Variants in SUCLG2 observed in about 807,000 individuals in gnomAD.
SUCLG2 encodes the protein succinate-CoA ligase GDP-forming subunit beta.
Under a neutral mutation model 47.9 loss-of-function variants are expected in SUCLG2, and 42 were observed. That is an observed-to-expected ratio of 0.88 (90% CI 0.69 to 1.14). The LOEUF (loss-of-function observed/expected upper bound fraction) is 1.14, where lower values mean the gene tolerates loss of function less well. SUCLG2 is among the 50% of genes most tolerant of loss of function. The pLI is 0.00. For synonymous variants in SUCLG2, 195 were observed against 197.3 expected (o/e 0.99, Z 0.10); for missense variants, 571 against 525.9 (o/e 1.09, Z -0.84).
At chr3:67,365,167 A>T (rs1701858450) in intron 10 of SUCLG2, among the ~76,000 whole-genome samples, 2 of 152,236 alleles carry the variant, frequency 1.3e-5, no homozygotes, top group Non-Finnish European at 2.9e-5. Flanking sequence ...CTGTGGGATT[A>T]TAACAGAAGA....
intron 7 of SUCLG2, among the ~76,000 whole-genome samples, chr3:67,506,718 T>C (rs1705647570): frequency 6.6e-6 from 1 of 152,258 alleles, no homozygotes; most frequent in South Asian, 2.1e-4. Context: ...ACCAGGCTGC[T>C]TGTGTATACT....
chr3:67,558,331 CA>C (rs35100169), intron 2 of SUCLG2, among the ~76,000 whole-genome samples: 22,829 of 114,780 alleles, frequency 0.2, 2,278 homozygotes, highest in East Asian at 0.49. Context: ...TCTTTGACAC[CA>C]AAAAAAAAAA....
intron 1 of SUCLG2, among the ~76,000 whole-genome samples, chr3:67,634,365 T>C (rs556725011): frequency 9.2e-5 from 14 of 152,280 alleles, no homozygotes; most frequent in Admixed American, 5.2e-4. Flanking sequence ...GGAGGATTGC[T>C]TGAGCAAGAC....
At chr3:67,437,691 A>G (rs1703657674) in intron 9 of SUCLG2, among the ~76,000 whole-genome samples, 1 of 152,028 alleles carries the variant, frequency 6.6e-6, no homozygotes, top group African/African-American at 2.4e-5. Flanking sequence ...CAGTTTATAA[A>G]ATATGGATTT....
intron 1 of SUCLG2, among the ~76,000 whole-genome samples, chr3:67,631,059 G>A (rs1396062587): frequency 1.3e-5 from 2 of 152,232 alleles, no homozygotes; most frequent in Non-Finnish European, 2.9e-5. Context: ...TGAGAGTCCA[G>A]ATGAGGAAAT....
intron 2 of SUCLG2, among the ~76,000 whole-genome samples, chr3:67,544,356 G>C (rs1559565482): frequency 6.6e-6 from 1 of 152,056 alleles, no homozygotes; most frequent in African/African-American, 2.4e-5. Flanking sequence ...TTGGATCATG[G>C]GGATGATTTC....
intron 9 of SUCLG2, among the ~76,000 whole-genome samples, chr3:67,475,235 G>A (rs1004604899): frequency 6.6e-6 from 1 of 152,146 alleles, no homozygotes; most frequent in Non-Finnish European, 1.5e-5. Context: ...CAGAAAGAAT[G>A]AAAACGATAT....
chr3:67,457,499 A>AT (rs1704215390), intron 9 of SUCLG2, among the ~76,000 whole-genome samples: 1 of 152,098 alleles, frequency 6.6e-6, no homozygotes, highest in South Asian at 2.1e-4. Context: ...TGGGGAACTT[A>AT]TTGGGGAATT....
At chr3:67,510,428 A>C (rs1006771683) in intron 6 of SUCLG2, among the ~76,000 whole-genome samples, 7 of 152,234 alleles carry the variant, frequency 4.6e-5, no homozygotes, top group Non-Finnish European at 8.8e-5. Context: ...ATATGATACA[A>C]AATTCCCGAA....
intron 1 of SUCLG2, among the ~76,000 whole-genome samples, chr3:67,646,293 C>T (rs544054080): frequency 1.2e-4 from 18 of 152,204 alleles, no homozygotes; most frequent in Non-Finnish European, 1.9e-4. Context: ...TAAAACCAGA[C>T]AATATCGAAA....
At chr3:67,584,461 G>A (rs930944111) in intron 2 of SUCLG2, among the ~76,000 whole-genome samples, 1 of 152,142 alleles carries the variant, frequency 6.6e-6, no homozygotes, top group Non-Finnish European at 1.5e-5. Context: ...TACAGTGATG[G>A]TTATATAACT....
chr3:67,569,249 T>C (rs997222951), intron 2 of SUCLG2, among the ~76,000 whole-genome samples: 1 of 152,262 alleles, frequency 6.6e-6, no homozygotes, highest in African/African-American at 2.4e-5. Flanking sequence ...GGACATAATC[T>C]TTCTAGCACT....
chr3:67,544,283 C>A (rs1706803089), intron 2 of SUCLG2, among the ~76,000 whole-genome samples: 1 of 152,134 alleles, frequency 6.6e-6, no homozygotes, highest in South Asian at 2.1e-4. Flanking sequence ...TCTGTGTCCC[C>A]ACCCAAATGT....
intron 1 of SUCLG2, among the ~76,000 whole-genome samples, chr3:67,634,863 T>C (rs1700982468): frequency 6.6e-6 from 1 of 152,210 alleles, no homozygotes; most frequent in Non-Finnish European, 1.5e-5. Context: ...AATGTGCACG[T>C]GTGTATATGT....
intron 1 of SUCLG2, among the ~76,000 whole-genome samples, chr3:67,625,232 A>G: frequency 6.6e-6 from 1 of 152,216 alleles, no homozygotes; most frequent in East Asian, 1.9e-4. Flanking sequence ...AAATAAGCTT[A>G]AGTGAGTGGC....
chr3:67,628,964 GGAA>G (rs1169540038), intron 1 of SUCLG2, among the ~76,000 whole-genome samples: 1 of 152,184 alleles, frequency 6.6e-6, no homozygotes, highest in Non-Finnish European at 1.5e-5. Flanking sequence ...AAGAGAACAA[GGAA>G]GAACAGACAC....
At position 67,543,465 on chromosome 3, in the gene SUCLG2, G is replaced by C. The variant is rs533345611; in HGVS notation, c.227-14279C>G. Among the ~76,000 whole-genome samples the C allele has an allele frequency of 5.9e-5, 9 of 152,232 alleles. No homozygotes were observed. In the South Asian group the frequency reaches 1.7e-3, roughly 28 times the overall value. On this transcript the variant is annotated intron_variant, in intron 2 of 10. Coordinates refer to ENST00000307227, the MANE Select transcript of SUCLG2 (RefSeq NM_003848.4). ...GTGGGTTGCTTGAGCCCAGGAGTTCGAGACAAGCCTGGGCAACATGGTGAA... is the reference window on the plus strand; with the variant it reads ...GTGGGTTGCTTGAGCCCAGGAGTTCCAGACAAGCCTGGGCAACATGGTGAA...
At chr3:67,552,172 C>CAAA (rs55687048) in intron 2 of SUCLG2, among the ~76,000 whole-genome samples, 7 of 75,484 alleles carry the variant, frequency 9.3e-5, no homozygotes, top group Non-Finnish European at 1.3e-4. Flanking sequence ...AACTCCATCT[C>CAAA]AAAAAAAAAA....
intron 6 of SUCLG2, chr3:67,514,257 C>G: frequency 2.4e-6 from 1 of 420,840 alleles, no homozygotes; most frequent in South Asian, 2.1e-5. Flanking sequence ...TCAAAACTGA[C>G]AGGAATAGGA....
Sources: allele counts gnomAD v4.1 joint callset (sites outside exome capture counted in the v4.1 genomes callset), GRCh38; gene constraint gnomAD v4.1.1; transcripts MANE v1.5; gene names NCBI Gene and HGNC (gene_info 2026-07-23, HGNC 2026-07-21).